The following FAM169A variants were observed in gnomAD, a reference collection of about 807,000 sequenced individuals.
The protein encoded by FAM169A is soluble lamin-associated protein of 75 kDa.
A neutral mutation model predicts 75.7 loss-of-function variants in FAM169A; 24 were observed. The ratio of observed to expected loss-of-function variants is 0.32; its 90% CI spans 0.23 to 0.45. The LOEUF (loss-of-function observed/expected upper bound fraction) is 0.45. Among genes scored for constraint, FAM169A ranks in the 20% least tolerant of loss-of-function variants. The pLI, the probability that FAM169A is intolerant of heterozygous loss-of-function variation, is 1.00. For synonymous variants in FAM169A, 271 were observed against 271.0 expected, an observed-to-expected ratio of 1.00 and a Z score of 0.00; for missense variants, 673 against 784.0, an observed-to-expected ratio of 0.86 and a Z score of 1.69.
chr5:74,777,721 T>C lies in FAM169A; in HGVS notation c.*3739A>G, dbSNP rs1745192666. 1 of 151,852 alleles carries C rather than the reference T, an allele frequency of 6.6e-6. No homozygotes were observed. The highest frequency in any genetic ancestry group is 1.9e-4 in the East Asian group (1 of 5,192). 9.4% of individuals were successfully genotyped at this position (151,852 alleles called of 1,614,324 possible). ...CATGAGGAAAACTGAAGGAAAGGAA[T>C]TTAAAAACACAGACCAGGAAACAAT... On this transcript the variant is annotated 3_prime_UTR_variant, in exon 13 of 13. Coordinates refer to ENST00000687041, the MANE Select transcript of FAM169A (RefSeq NM_001376049.1).
At chr5:74,837,567 G>A (rs1748633290) in intron 4 of FAM169A, among the ~76,000 whole-genome samples, 1 of 152,124 alleles carries the variant, frequency 6.6e-6, no homozygotes, top group Admixed American at 6.5e-5. Flanking sequence ...TAACCCGCAA[G>A]TTTCTTCAGT....
At chr5:74,826,912 G>A (rs1037129868) in intron 5 of FAM169A, among the ~76,000 whole-genome samples, 18 of 152,042 alleles carry the variant, frequency 1.2e-4, no homozygotes, top group African/African-American at 3.1e-4. Flanking sequence ...TCTGGTCTTC[G>A]ATAATTCCTC....
At chr5:74,790,081 A>G (rs1267034210) in intron 11 of FAM169A, among the ~76,000 whole-genome samples, 1 of 152,192 alleles carries the variant, frequency 6.6e-6, no homozygotes, top group Non-Finnish European at 1.5e-5. Context: ...TTGAAGACAC[A>G]AGTAAGTTAC....
At chr5:74,847,495 C>G (rs542657434) in intron 1 of FAM169A, among the ~76,000 whole-genome samples, 1 of 152,028 alleles carries the variant, frequency 6.6e-6, no homozygotes, top group Non-Finnish European at 1.5e-5. Context: ...ATTTTATTAA[C>G]CCTAAACTAT....
At chr5:74,860,414 C>T (rs763129354) in intron 1 of FAM169A, among the ~76,000 whole-genome samples, 82 of 152,250 alleles carry the variant, frequency 5.4e-4, no homozygotes, top group Admixed American at 1.6e-3. Context: ...GGCTTCTGTC[C>T]TTATCACTAT....
intron 4 of FAM169A, among the ~76,000 whole-genome samples, chr5:74,834,999 T>TTAA (rs1554051253): frequency 7.6e-6 from 1 of 131,128 alleles, no homozygotes; most frequent in Non-Finnish European, 1.6e-5. Context: ...TCTCCACATT[T>TTAA]AAAAAAAAAA....
In FAM169A at chr5:74,813,247, A is replaced by T. The variant is rs60593135; in HGVS notation, c.670+593T>A. 1.0e-2 allele frequency among the ~76,000 whole-genome samples: 1,522 copies of T among 152,260 alleles called. 14 individuals are homozygous for T. The highest frequency in any genetic ancestry group is 0.035 in the African/African-American group (1,436 of 41,550). On this transcript the variant is annotated intron_variant, in intron 6 of 12. Coordinates refer to ENST00000687041, the MANE Select transcript of FAM169A (RefSeq NM_001376049.1). ...CTCTGGAACTGCTGGCTATGATTGA[A>T]CAACTATGAATATACTAAAAACCAC...
At chr5:74,799,565 T>C (rs1163832293) in intron 10 of FAM169A, 1 of 1,504,918 alleles carries the variant, frequency 6.6e-7, no homozygotes, top group African/African-American at 1.4e-5. Flanking sequence ...AAGATGCTTT[T>C]TGGGCAGCTG....
chr5:74,859,336 C>A lies in FAM169A; in HGVS notation c.-4+6829G>T, dbSNP rs550482929. Among the ~76,000 whole-genome samples, 578 of 130,722 alleles carry A rather than the reference C, an allele frequency of 4.4e-3. 2 individuals are homozygous for A. The highest frequency in any genetic ancestry group is 6.4e-3 in the Non-Finnish European group (406 of 63,376). The allele number at this position is 130,722 out of a possible 152,430, so 85.8% of individuals were successfully genotyped here. On this transcript the variant is annotated intron_variant, in intron 1 of 12. Transcript: ENST00000687041. Reference sequence around the variant, plus strand: ...ACAGAGTCTTGCTCTGTCACCCAGGCTGGAGTGCCGTGGCACAATCTCAGC... The same window carrying A: ...ACAGAGTCTTGCTCTGTCACCCAGGATGGAGTGCCGTGGCACAATCTCAGC...
At chr5:74,811,467 A>G (rs755203280) in intron 6 of FAM169A, among the ~76,000 whole-genome samples, 3 of 152,180 alleles carry the variant, frequency 2.0e-5, no homozygotes, top group Non-Finnish European at 2.9e-5. Context: ...TCCCACTCTC[A>G]TGTATGGATT....
rs1276708913 is a variant in FAM169A at position 74,779,644 on chromosome 5, A to G, written c.*1816T>C. 6.6e-6 allele frequency: 1 copy of G among 151,908 alleles called. No homozygotes were observed. The highest frequency in any genetic ancestry group is 2.4e-5 in the African/African-American group (1 of 41,366). The allele number at this position is 151,908 out of a possible 1,614,324, so 9.4% of individuals were successfully genotyped here. A position where few individuals can be genotyped will look rare whatever the true frequency, so the allele number is the denominator to read the frequency against. On this transcript the variant is annotated 3_prime_UTR_variant, in exon 13 of 13. Coordinates refer to ENST00000687041, the MANE Select transcript of FAM169A (RefSeq NM_001376049.1). ...TACTTTTTTTTTTTTACTTAGTATT[A>G]GCATTTGTTGAAAAAATAAATGGCC...
chr5:74,866,056 G>T, intron 1 of FAM169A, 109 bp downstream of exon 1: 1 of 487,202 alleles, frequency 2.1e-6, no homozygotes, highest in Non-Finnish European at 2.7e-6. Flanking sequence ...CCGGTGGCCC[G>T]CGTCGCCGCT....
At chr5:74,782,463 A>G (rs1480105451) in intron 12 of FAM169A, among the ~76,000 whole-genome samples, 1 of 152,236 alleles carries the variant, frequency 6.6e-6, no homozygotes, top group African/African-American at 2.4e-5. Context: ...GTGAGACACT[A>G]ATAATGCCAT....
chr5:74,783,711 T>C (rs933378513), intron 11 of FAM169A, among the ~76,000 whole-genome samples: 2 of 152,206 alleles, frequency 1.3e-5, no homozygotes, highest in African/African-American at 4.8e-5. Context: ...TCCTTGCATA[T>C]CATTAAAGTA....
chr5:74,784,815 A>G, intron 11 of FAM169A, among the ~76,000 whole-genome samples: 1 of 148,254 alleles, frequency 6.7e-6, no homozygotes, highest in South Asian at 2.2e-4. Context: ...GCTACTCGGG[A>G]GGCTGAGGCA....
At chr5:74,798,761 G>C (rs1746408893) in intron 10 of FAM169A, among the ~76,000 whole-genome samples, 1 of 152,172 alleles carries the variant, frequency 6.6e-6, no homozygotes. Flanking sequence ...CAAGTGTTCT[G>C]TTGATTCAGT....
Position 74,782,958 on chromosome 5 carries a change from T to G in FAM169A, c.1437A>C (p.Lys479Asn), listed in dbSNP as rs771385257. The G allele has an allele frequency of 1.6e-5, 26 of 1,613,428 alleles. No homozygotes were observed. In the Admixed American group the frequency reaches 4.3e-4, roughly 27 times the overall value. ...NLVPLVVESS[K>N]PPEVDAPDKT... is the part of the protein sequence containing the mutation. ...TATCTGGTGCATCTACCTCAGGGGGTTTTGAAGATTCTACCACCAGTGGAA... is the reference window on the plus strand; with the variant it reads ...TATCTGGTGCATCTACCTCAGGGGGGTTTGAAGATTCTACCACCAGTGGAA... The change falls in exon 12 of 13, where the codon AAA (lysine) becomes AAC (asparagine). Residue 479 changes from lysine to asparagine, a missense_variant. This residue lies in a region of FAM169A where 510 missense variants were observed against 550.9 expected (regional missense o/e 0.93). Transcript: ENST00000687041.
chr5:74,798,848 T>A, intron 10 of FAM169A: 1 of 470,780 alleles, frequency 2.1e-6, no homozygotes, highest in South Asian at 2.1e-5. Flanking sequence ...CCCAGTAAAA[T>A]GAATCAATAA....
chr5:74,815,144 T>C (rs1324944296), intron 5 of FAM169A, among the ~76,000 whole-genome samples: 1 of 152,158 alleles, frequency 6.6e-6, no homozygotes, highest in Non-Finnish European at 1.5e-5. Context: ...AAATTTAGAA[T>C]AGGTAATGCA....
Sources: gnomAD v4.1 joint callset for allele counts (sites outside exome capture counted in the v4.1 genomes callset) on GRCh38, gnomAD v4.1.1 for gene constraint, gnomAD v4.1.1 regional missense constraint, MANE v1.5 for transcripts, NCBI Gene and HGNC (gene_info 2026-07-23, HGNC 2026-07-21) for gene names.